PPP3CC: variants seen among roughly 807,000 people sequenced by gnomAD.
The protein encoded by PPP3CC is serine/threonine-protein phosphatase 2B catalytic subunit gamma isoform.
In PPP3CC, 35 loss-of-function variants were observed where a neutral mutation model predicts 60.3. The observed-to-expected ratio is 0.58, with a 90% confidence interval of 0.44 to 0.77. PPP3CC has a LOEUF of 0.77. PPP3CC is among the 30% of genes least tolerant of loss of function. The pLI is 0.00. For missense variants in PPP3CC, 570 were observed against 628.9 expected, an observed-to-expected ratio of 0.91 and a Z score of 1.00; for synonymous variants, 206 against 224.3, an observed-to-expected ratio of 0.92 and a Z score of 0.73.
At chr8:22,442,840 T>C (rs1836712841) in intron 1 of PPP3CC, among the ~76,000 whole-genome samples, 1 of 152,240 alleles carries the variant, frequency 6.6e-6, no homozygotes, top group African/African-American at 2.4e-5. Context: ...GCCGGTGCGT[T>C]CTGCTGTATA....
intron 3 of PPP3CC, among the ~76,000 whole-genome samples, chr8:22,485,294 TAAG>T (rs1171934096): frequency 1.3e-5 from 2 of 152,080 alleles, no homozygotes; most frequent in African/African-American, 4.8e-5. Context: ...AGAAGGACGA[TAAG>T]AAGCCTTCTC....
chr8:22,457,052 C>CTT (rs1837221895), intron 1 of PPP3CC, among the ~76,000 whole-genome samples: 1 of 96,832 alleles, frequency 1.0e-5, no homozygotes, highest in East Asian at 3.8e-4. Flanking sequence ...TCCCTTCCTT[C>CTT]CCCTCCCTCC....
At chr8:22,472,369 C>T (rs929171972) in intron 1 of PPP3CC, among the ~76,000 whole-genome samples, 3 of 142,440 alleles carry the variant, frequency 2.1e-5, no homozygotes, top group Non-Finnish European at 4.5e-5. Flanking sequence ...AATGAACACA[C>T]ACACACACAC....
chr8:22,454,487 CTAAAG>C (rs1373326294), intron 1 of PPP3CC, among the ~76,000 whole-genome samples: 3 of 152,076 alleles, frequency 2.0e-5, no homozygotes, highest in Non-Finnish European at 4.4e-5. Context: ...GGAGTATACT[CTAAAG>C]TAATGATTAA....
chr8:22,467,538 G>T lies in PPP3CC; in HGVS notation c.50-7416G>T, dbSNP rs542377400. On this transcript the variant is annotated intron_variant, in intron 1 of 13. Coordinates refer to ENST00000240139, the MANE Select transcript of PPP3CC (RefSeq NM_005605.5). ...GCTCACTGCAACCTCCACTTCCTGG[G>T]TTCAAGTGATTCTCCTGCTTCAGCC... 1.2e-4 allele frequency among the ~76,000 whole-genome samples: 19 copies of T among 152,134 alleles called. 1 individual carries two copies. In the South Asian group the frequency reaches 3.9e-3, roughly 32 times the overall value.
At chr8:22,449,405 A>G (rs910979812) in intron 1 of PPP3CC, among the ~76,000 whole-genome samples, 1 of 146,952 alleles carries the variant, frequency 6.8e-6, no homozygotes, top group African/African-American at 2.5e-5. Context: ...CAGTGGGCCA[A>G]GATAGCGCCA....
chr8:22,540,140 G>T (rs1358161127), intron 13 of PPP3CC, among the ~76,000 whole-genome samples: 2 of 152,218 alleles, frequency 1.3e-5, no homozygotes, highest in Non-Finnish European at 2.9e-5. Context: ...GTGCAAGATA[G>T]AAAGCTGTCC....
chr8:22,536,560 A>G (rs1839848887), intron 12 of PPP3CC, among the ~76,000 whole-genome samples: 2 of 152,234 alleles, frequency 1.3e-5, no homozygotes, highest in South Asian at 4.1e-4. Flanking sequence ...TGAGTTGAAT[A>G]TGAGTGTTTT....
chr8:22,457,770 T>C (rs1236915894), intron 1 of PPP3CC, among the ~76,000 whole-genome samples: 1 of 152,248 alleles, frequency 6.6e-6, no homozygotes, highest in Non-Finnish European at 1.5e-5. Flanking sequence ...GAGCATATGA[T>C]TCTTCAAGGT....
At chr8:22,504,011 C>T (rs921053821) in intron 4 of PPP3CC, among the ~76,000 whole-genome samples, 1 of 152,094 alleles carries the variant, frequency 6.6e-6, no homozygotes, top group South Asian at 2.1e-4. Flanking sequence ...GGCTTAGTTT[C>T]AGATTGTGCA....
Position 22,533,030 on chromosome 8 carries a change from A to G in PPP3CC, c.1321+12A>G, listed in dbSNP as rs372044929. 2.6e-6 allele frequency: 4 copies of G among 1,551,170 alleles called. No homozygotes were observed. In the South Asian group the frequency reaches 4.7e-5, roughly 18 times the overall value. On this transcript the variant is annotated intron_variant, in intron 12 of 13. Coordinates refer to ENST00000240139, the MANE Select transcript of PPP3CC (RefSeq NM_005605.5). ...GACTATCGAGACAGGTGAGTATGAG[A>G]GTGCTCCTCCATGGAAGGTGTGCTC...
intron 1 of PPP3CC, among the ~76,000 whole-genome samples, chr8:22,462,633 C>T (rs866507212): frequency 1.1e-4 from 16 of 151,270 alleles, no homozygotes; most frequent in Middle Eastern, 3.4e-3. Flanking sequence ...TGCGGTGGCA[C>T]GATCTCGGCT....
chr8:22,500,272 A>G (rs1036162566), intron 4 of PPP3CC, among the ~76,000 whole-genome samples: 3 of 152,178 alleles, frequency 2.0e-5, no homozygotes, highest in African/African-American at 4.8e-5. Flanking sequence ...CATATTCTCT[A>G]TAAAATAAGG....
chr8:22,460,775 C>A (rs1288693152), intron 1 of PPP3CC, among the ~76,000 whole-genome samples: 1 of 152,168 alleles, frequency 6.6e-6, no homozygotes, highest in Non-Finnish European at 1.5e-5. Context: ...GATCAAGCAG[C>A]TGCACACCAT....
rs766372929 is a variant in PPP3CC at position 22,527,427 on chromosome 8, A to G, written c.979A>G (p.Ile327Val). ...GAAATATGAAAACAATGTCATGAAT[A>G]TCAGGCAGTTTAACTGTTCTCCACA... is the stretch of plus-strand genomic sequence containing the variant. ...VLKYENNVMN[I>V]RQFNCSPHPY... Residue 327 changes from isoleucine to valine, a missense_variant, in exon 9 of 14, where the codon ATC becomes GTC. Ile to Val is a conservative substitution (Grantham distance 29). Transcript: ENST00000240139. 5 of 1,613,716 alleles carry G rather than the reference A, an allele frequency of 3.1e-6. No homozygotes were observed. In the African/African-American group the frequency reaches 6.7e-5, roughly 22 times the overall value.
chr8:22,525,412 T>C (rs1403054273), intron 8 of PPP3CC, among the ~76,000 whole-genome samples: 2 of 152,054 alleles, frequency 1.3e-5, no homozygotes, highest in Admixed American at 6.5e-5. Context: ...ACTGTTGCTC[T>C]TCTTTCTCTT....
At chr8:22,480,773 C>CCA (rs1251727779) in intron 3 of PPP3CC, among the ~76,000 whole-genome samples, 2 of 152,114 alleles carry the variant, frequency 1.3e-5, no homozygotes, top group Admixed American at 6.6e-5. Flanking sequence ...GCCACTGCAG[C>CCA]CAGCCCCAAA....
At chr8:22,534,909 T>C (rs528546951) in intron 12 of PPP3CC, among the ~76,000 whole-genome samples, 3 of 152,270 alleles carry the variant, frequency 2.0e-5, no homozygotes, top group East Asian at 1.9e-4. Context: ...TTAAGAACCA[T>C]TGGACTAATC....
At chr8:22,510,945 G>T (rs1839067916) in intron 4 of PPP3CC, 141 bp from the exon 5 acceptor site, 2 of 920,012 alleles carry the variant, frequency 2.2e-6, no homozygotes, top group Middle Eastern at 3.3e-4. Context: ...CTTTTCAAAA[G>T]TATCTTTACA....
Sources: gnomAD v4.1 joint callset for allele counts (sites outside exome capture counted in the v4.1 genomes callset) on GRCh38, gnomAD v4.1.1 for gene constraint, MANE v1.5 for transcripts, NCBI Gene and HGNC (gene_info 2026-07-23, HGNC 2026-07-21) for gene names.